Variants in KIRREL3 observed in about 807,000 individuals in gnomAD.
KIRREL3 encodes kin of IRRE-like protein 3.
A neutral mutation model predicts 89.7 loss-of-function variants in KIRREL3; 36 were observed. The observed-to-expected ratio is 0.40, with a 90% CI of 0.31 to 0.53. The LOEUF is 0.53. Ranked by LOEUF, KIRREL3 falls within the 20% of genes least tolerant of loss-of-function variation. The probability of loss-of-function intolerance (pLI) is 0.49; values close to 1 mark genes in which losing one functional copy is unlikely to be tolerated. For synonymous variants in KIRREL3, 445 were observed against 441.4 expected, an observed-to-expected ratio of 1.01 and a Z score of -0.10; for missense variants, 864 against 1,056.6, an observed-to-expected ratio of 0.82 and a Z score of 2.53.
At chr11:126,585,836 G>A (rs927392295) in intron 1 of KIRREL3, among the ~76,000 whole-genome samples, 13 of 152,258 alleles carry the variant, frequency 8.5e-5, no homozygotes, top group Non-Finnish European at 1.5e-4. Context: ...CTCTCGTTAA[G>A]TTCCATCTGT....
intron 1 of KIRREL3, among the ~76,000 whole-genome samples, chr11:126,801,888 C>A (rs1443337818): frequency 6.6e-6 from 1 of 152,078 alleles, no homozygotes; most frequent in African/African-American, 2.4e-5. Flanking sequence ...TGAACTCTAA[C>A]TGCACCATGG....
rs1021166130 is a variant in KIRREL3, at chr11:126,812,875, C to T, written c.55+187580G>A. On this transcript the variant is annotated intron_variant, in intron 1 of 16. Coordinates refer to ENST00000525144, the MANE Select transcript of KIRREL3 (RefSeq NM_032531.4). This position sits in a 1 kb window ranked among gnomAD's most constrained non-coding sequence, Gnocchi z 5.2. ...GGCTCCATCTAAAGGAAGTGGCCTA[C>T]GGGAATCTGCGCACCTCTGCTGTGA... 3.3e-5 allele frequency among the ~76,000 whole-genome samples: 5 copies of T among 152,188 alleles called. No homozygotes were observed. The highest frequency in any genetic ancestry group is 9.7e-5 in the African/African-American group (4 of 41,434).
rs981159229 is a variant in KIRREL3 at position 126,773,442 on chromosome 11, G to A, written c.56-210530C>T. Among the ~76,000 whole-genome samples the A allele has an allele frequency of 6.6e-6, 1 of 152,208 alleles. No homozygotes were observed. The highest frequency in any genetic ancestry group is 2.4e-5 in the African/African-American group (1 of 41,448). ...CTCAGGTCTGACAGCCAACCCTGCA[G>A]ATTTTGGACTTACCAGTCTCCATCG... On this transcript the variant is annotated intron_variant, in intron 1 of 16. Coordinates refer to ENST00000525144, the MANE Select transcript of KIRREL3 (RefSeq NM_032531.4). This position sits in a 1 kb window ranked among gnomAD's most constrained non-coding sequence, Gnocchi z 4.2.
In KIRREL3 at chr11:126,931,350, A is replaced by G. The variant is rs1410248819; in HGVS notation, c.55+69105T>C. On this transcript the variant is annotated intron_variant, in intron 1 of 16. Coordinates refer to ENST00000525144, the MANE Select transcript of KIRREL3 (RefSeq NM_032531.4). This position sits in a 1 kb window ranked among gnomAD's most constrained non-coding sequence, Gnocchi z 5.1. ...TTACCTGCCTTTCCTCCCTCCCTCC[A>G]TACATTCCTTCTTTCCTTCCTTCCT... Among the ~76,000 whole-genome samples, 3 of 34,224 alleles carry G rather than the reference A, an allele frequency of 8.8e-5. No individual in the cohort carries two copies. The highest frequency in any genetic ancestry group is 4.6e-4 in the African/African-American group (2 of 4,344). The allele number at this position is 34,224 out of a possible 152,430, so 22.5% of individuals were successfully genotyped here.
chr11:126,660,544 C>T (rs906653611), intron 1 of KIRREL3, among the ~76,000 whole-genome samples: 12 of 152,112 alleles, frequency 7.9e-5, no homozygotes, highest in Admixed American at 6.5e-5. Context: ...TGGACCATTT[C>T]CAGGAAGGGA....
In KIRREL3 at chr11:126,501,480, C is replaced by T. The variant is rs939399480; in HGVS notation, c.433+19835G>A. On this transcript the variant is annotated intron_variant, in intron 4 of 16. Coordinates refer to ENST00000525144, the MANE Select transcript of KIRREL3 (RefSeq NM_032531.4). This position sits in a 1 kb window ranked among gnomAD's most constrained non-coding sequence, Gnocchi z 5.8. ...GCAGGTCGAGCAGATTCTACCGCAG[C>T]CCGTCCTGGGTCCTGTTGATGTGCT... Among the ~76,000 whole-genome samples, 1 of 152,126 alleles carries T rather than the reference C, an allele frequency of 6.6e-6. No individual in the cohort carries two copies. The highest frequency in any genetic ancestry group is 1.5e-5 in the Non-Finnish European group (1 of 68,012).
chr11:126,577,448 C>G (rs896241060), intron 1 of KIRREL3, among the ~76,000 whole-genome samples: 1 of 151,824 alleles, frequency 6.6e-6, no homozygotes, highest in African/African-American at 2.4e-5. Flanking sequence ...CAACCAGCAT[C>G]CTAGAAACTA....
In KIRREL3 at chr11:126,669,681, C is replaced by T. The variant is rs1371629518; in HGVS notation, c.56-106769G>A. Among the ~76,000 whole-genome samples the T allele has an allele frequency of 6.6e-6, 1 of 152,148 alleles. No individual in the cohort carries two copies. Among genetic ancestry groups the T allele is most frequent in the African/African-American group, 2.4e-5 (1 of 41,428 alleles). ...GAGGACTCCTGCACTTCCTCGTGGG[C>T]TTTTCTCTCTTCTCCATTTACATTT... On this transcript the variant is annotated intron_variant, in intron 1 of 16. Transcript: ENST00000525144. The surrounding 1 kb of genome is among the most constrained non-coding windows in gnomAD (Gnocchi z 5.0).
Position 126,424,312 on chromosome 11 carries a change from C to G in KIRREL3, c.*268G>C. The G allele has an allele frequency of 1.9e-6, 1 of 525,180 alleles. No individual in the cohort carries two copies. Among genetic ancestry groups the G allele is most frequent in the Non-Finnish European group, 3.4e-6 (1 of 291,792 alleles). The allele number at this position is 525,180 out of a possible 1,614,324, so 32.5% of individuals were successfully genotyped here. A position where few individuals can be genotyped will look rare whatever the true frequency, so the allele number is the denominator to read the frequency against. On this transcript the variant is annotated 3_prime_UTR_variant, in exon 17 of 17. Coordinates refer to ENST00000525144, the MANE Select transcript of KIRREL3 (RefSeq NM_032531.4). ...GGTAGAGGGGCCTCCAGGAAAGGGC[C>G]GGGGACACGGGTGTCCAGCACTAAG...
chr11:126,425,078 G>A (rs1407417440), intron 16 of KIRREL3, 55 bp from the exon 17 acceptor site: 2 of 1,436,320 alleles, frequency 1.4e-6, no homozygotes, highest in African/African-American at 2.9e-5. Context: ...ACTGAGCGTG[G>A]CTGGGGTTTC....
At position 126,566,529 on chromosome 11, in the gene KIRREL3, A is replaced by G. The variant is rs1462611376; in HGVS notation, c.56-3617T>C. Among the ~76,000 whole-genome samples the G allele has an allele frequency of 6.6e-6, 1 of 152,224 alleles. No homozygotes were observed. Among genetic ancestry groups the G allele is most frequent in the African/African-American group, 2.4e-5 (1 of 41,462 alleles). On this transcript the variant is annotated intron_variant, in intron 1 of 16. Transcript: ENST00000525144. This position sits in a 1 kb window ranked among gnomAD's most constrained non-coding sequence, Gnocchi z 4.9. ...TTCTGACTCGGGTCAGAATGAAAAT[A>G]AGTGGGCTTCACTGTAGCACAATGG...
At chr11:126,554,959 C>G (rs1289377436) in intron 2 of KIRREL3, among the ~76,000 whole-genome samples, 1 of 152,172 alleles carries the variant, frequency 6.6e-6, no homozygotes, top group Non-Finnish European at 1.5e-5. Flanking sequence ...TAACTTCAGA[C>G]AGTGCAGCTT....
intron 1 of KIRREL3, among the ~76,000 whole-genome samples, chr11:126,961,593 C>A (rs1354272854): frequency 6.6e-6 from 1 of 152,208 alleles, no homozygotes; most frequent in Non-Finnish European, 1.5e-5. Flanking sequence ...AAGAAACCAT[C>A]TCCATAACAT....
rs1159443443 is a variant in KIRREL3, at chr11:126,740,462, C to T, written c.56-177550G>A. Among the ~76,000 whole-genome samples, 1 of 152,124 alleles carries T rather than the reference C, an allele frequency of 6.6e-6. No homozygotes were observed. The highest frequency in any genetic ancestry group is 2.4e-5 in the African/African-American group (1 of 41,428). On this transcript the variant is annotated intron_variant, in intron 1 of 16. Transcript: ENST00000525144. The surrounding 1 kb of genome is among the most constrained non-coding windows in gnomAD (Gnocchi z 6.0). ...TATACCAGACCAGCCTTTGGTGTCACTAGGTCCTCTGACTTGAGTGTGACA... is the reference window on the plus strand; with the variant it reads ...TATACCAGACCAGCCTTTGGTGTCATTAGGTCCTCTGACTTGAGTGTGACA...
intron 1 of KIRREL3, among the ~76,000 whole-genome samples, chr11:126,942,582 G>C (rs1948487415): frequency 6.6e-6 from 1 of 152,194 alleles, no homozygotes. Context: ...AAGCACTGTG[G>C]AGTGACAGCC....
chr11:126,981,402 C>T lies in KIRREL3; in HGVS notation c.55+19053G>A, dbSNP rs181555990. Among the ~76,000 whole-genome samples the T allele has an allele frequency of 2.8e-4, 43 of 152,268 alleles. No homozygotes were observed. Among genetic ancestry groups the T allele is most frequent in the Admixed American group, 1.2e-3 (18 of 15,292 alleles). On this transcript the variant is annotated intron_variant, in intron 1 of 16. Transcript: ENST00000525144. This position sits in a 1 kb window ranked among gnomAD's most constrained non-coding sequence, Gnocchi z 4.2. The stretch of plus-strand genomic sequence containing the variant: ...GCCCACTGACAGCATATTGCCTAAT[C>T]GCCATTATTCTGGAGGAAAATGCTC...
At chr11:126,828,291 C>A (rs1943485005) in intron 1 of KIRREL3, among the ~76,000 whole-genome samples, 1 of 152,104 alleles carries the variant, frequency 6.6e-6, no homozygotes, top group African/African-American at 2.4e-5. Flanking sequence ...AGAAGCCATG[C>A]TGGCAAGGTG....
At chr11:126,589,668 G>A (rs1219717902) in intron 1 of KIRREL3, among the ~76,000 whole-genome samples, 4 of 152,158 alleles carry the variant, frequency 2.6e-5, no homozygotes, top group Non-Finnish European at 5.9e-5. Flanking sequence ...AGCACATCTC[G>A]TCGCTCTGGC....
intron 7 of KIRREL3, among the ~76,000 whole-genome samples, chr11:126,451,082 T>C (rs1390775294): frequency 1.4e-5 from 2 of 147,084 alleles, no homozygotes; most frequent in Non-Finnish European, 3.0e-5. Flanking sequence ...TGTGTGTGCG[T>C]GTGTGCATAT....
Sources: allele counts gnomAD v4.1 joint callset (sites outside exome capture counted in the v4.1 genomes callset), GRCh38; gene constraint gnomAD v4.1.1; non-coding constraint Gnocchi (gnomAD v3.1); transcripts MANE v1.5; gene names NCBI Gene and HGNC (gene_info 2026-07-23, HGNC 2026-07-21).